The following UNC5D variants were observed in gnomAD, a reference collection of about 807,000 sequenced individuals.
The protein encoded by UNC5D is unc-5 netrin receptor D, also known as netrin receptor UNC5D.
UNC5D carries 39 observed loss-of-function variants against 105.4 expected under a neutral mutation model. The observed-to-expected ratio is 0.37, with a 90% CI of 0.29 to 0.48. The LOEUF (loss-of-function observed/expected upper bound fraction) is 0.48. Ranked by LOEUF, UNC5D falls within the 20% of genes least tolerant of loss-of-function variation. The probability of loss-of-function intolerance (pLI) is 0.98; values close to 1 mark genes in which losing one functional copy is unlikely to be tolerated. For synonymous variants in UNC5D, 452 were observed against 450.4 expected (o/e 1.00, Z -0.04); for missense variants, 991 against 1,202.4 (o/e 0.82, Z 2.60).
At chr8:35,650,235 G>T (rs1272751749) in intron 4 of UNC5D, among the ~76,000 whole-genome samples, 1 of 152,118 alleles carries the variant, frequency 6.6e-6, no homozygotes, top group Non-Finnish European at 1.5e-5. Flanking sequence ...GATGACCGAG[G>T]CTCTGGCCTG....
chr8:35,438,339 A>T (rs547643231), intron 1 of UNC5D, among the ~76,000 whole-genome samples: 72 of 152,174 alleles, frequency 4.7e-4, no homozygotes, highest in African/African-American at 1.7e-3. Context: ...TGAAAATTTT[A>T]AAAAAGATTA....
rs1343010665 is a variant in UNC5D, at chr8:35,700,358, A to G, written c.1085-5571A>G. Among the ~76,000 whole-genome samples the G allele has an allele frequency of 5.9e-5, 9 of 152,172 alleles. No homozygotes were observed. The East Asian group carries it at 1.5e-3, about 26-fold the overall frequency. ...ACTCTGTGGTCGCAGTGTCACACAA[A>G]TAAGCATTTAAATATGATTTACATG... On this transcript the variant is annotated intron_variant, in intron 7 of 16. Transcript: ENST00000404895.
chr8:35,434,071 T>C (rs1806836698), intron 1 of UNC5D, among the ~76,000 whole-genome samples: 3 of 152,030 alleles, frequency 2.0e-5, no homozygotes, highest in Admixed American at 6.6e-5. Flanking sequence ...TCAGAATATG[T>C]AACATAATGA....
chr8:35,308,719 A>C (rs751846110), intron 1 of UNC5D, among the ~76,000 whole-genome samples: 15 of 152,158 alleles, frequency 9.9e-5, no homozygotes, highest in Non-Finnish European at 1.8e-4. Flanking sequence ...ATGACTTGTG[A>C]ATCAATAATG....
At chr8:35,607,504 T>C (rs750676) in intron 4 of UNC5D, among the ~76,000 whole-genome samples, 72,460 of 151,994 alleles carry the variant, frequency 0.48, 20,977 homozygotes, top group African/African-American at 0.83. Context: ...TATACTGATA[T>C]GATTGTGCTT....
At chr8:35,323,267 A>G (rs1410387802) in intron 1 of UNC5D, among the ~76,000 whole-genome samples, 4 of 150,920 alleles carry the variant, frequency 2.7e-5, no homozygotes, top group Non-Finnish European at 5.9e-5. Context: ...GGGACCATAT[A>G]AAAGTAATCA....
At chr8:35,284,230 T>A (rs1040232429) in intron 1 of UNC5D, among the ~76,000 whole-genome samples, 26 of 152,348 alleles carry the variant, frequency 1.7e-4, no homozygotes, top group African/African-American at 6.3e-4. Context: ...ATAGGGGGCA[T>A]AAGCAACTTT....
At chr8:35,340,043 T>C (rs1329047602) in intron 1 of UNC5D, among the ~76,000 whole-genome samples, 1 of 152,184 alleles carries the variant, frequency 6.6e-6, no homozygotes, top group East Asian at 1.9e-4. Flanking sequence ...TTTTTGCATA[T>C]TATCTCACTG....
At chr8:35,694,471 GC>G (rs1397095859) in intron 7 of UNC5D, among the ~76,000 whole-genome samples, 1 of 152,148 alleles carries the variant, frequency 6.6e-6, no homozygotes, top group African/African-American at 2.4e-5. Context: ...AAGCCTCAGG[GC>G]TCTGCAGTGA....
At chr8:35,747,992 A>T (rs1256149593) in intron 11 of UNC5D, among the ~76,000 whole-genome samples, 8 of 152,254 alleles carry the variant, frequency 5.3e-5, no homozygotes, top group Non-Finnish European at 1.2e-4. Context: ...TTCATTGGCA[A>T]AAAATAAATG....
At chr8:35,278,098 A>G (rs1805894402) in intron 1 of UNC5D, among the ~76,000 whole-genome samples, 1 of 152,182 alleles carries the variant, frequency 6.6e-6, no homozygotes, top group Non-Finnish European at 1.5e-5. Context: ...ACAGCCAGCC[A>G]GGACTGGGCT....
At chr8:35,557,014 T>A (rs1407717082) in intron 2 of UNC5D, among the ~76,000 whole-genome samples, 1 of 152,194 alleles carries the variant, frequency 6.6e-6, no homozygotes, top group African/African-American at 2.4e-5. Flanking sequence ...TTTCAGTGAC[T>A]GCAGGAATGG....
In UNC5D at chr8:35,722,221, G is replaced by C; in HGVS notation, c.1129G>C (p.Ala377Pro). ...HEIKPQSIEN[A>P]SDIALYSGLG... The stretch of plus-strand genomic sequence containing the variant: ...CTTGTGTCTTTCAGGCATTGAGAAT[G>C]CCAGCGACATTGCTTTGTACTCGGG... The change falls in exon 9 of 17, where the codon GCC becomes CCC. Residue 377 changes from alanine (A) to proline (P), a missense_variant. Physicochemically the swap from Ala to Pro is conservative, Grantham distance 27. Transcript: ENST00000404895. 1 of 1,613,586 alleles carries C rather than the reference G, an allele frequency of 6.2e-7. No individual in the cohort carries two copies. The highest frequency in any genetic ancestry group is 8.5e-7 in the Non-Finnish European group (1 of 1,179,862).
At chr8:35,636,761 C>T (rs1181577179) in intron 4 of UNC5D, among the ~76,000 whole-genome samples, 1 of 152,170 alleles carries the variant, frequency 6.6e-6, no homozygotes. Flanking sequence ...GTTGTATATC[C>T]TGCCCATCCA....
chr8:35,292,716 C>CTTTTTTTTTTTTT (rs35935733), intron 1 of UNC5D, among the ~76,000 whole-genome samples: 1 of 123,640 alleles, frequency 8.1e-6, no homozygotes. Context: ...CTTTTTTTTC[C>CTTTTTTTTTTTTT]TTTTTTTTTT....
chr8:35,327,240 C>T (rs1810236356), intron 1 of UNC5D, among the ~76,000 whole-genome samples: 1 of 152,302 alleles, frequency 6.6e-6, no homozygotes, highest in East Asian at 1.9e-4. Flanking sequence ...GAGCATACAG[C>T]TCACTCGCTT....
chr8:35,610,451 G>A (rs1454663373), intron 4 of UNC5D, among the ~76,000 whole-genome samples: 1 of 152,106 alleles, frequency 6.6e-6, no homozygotes, highest in Non-Finnish European at 1.5e-5. Context: ...CTCTTTATTT[G>A]AAATATGTAA....
rs144432936 is a variant in UNC5D at position 35,605,392 on chromosome 8, C to T, written c.570+9735C>T. ...TGAACCGCAAATGCTGCTGCCTGAT[C>T]GTTCCTCTGGAAGTTTTGTCTCAGA... On this transcript the variant is annotated intron_variant, in intron 4 of 16. Transcript: ENST00000404895. Among the ~76,000 whole-genome samples, 941 of 152,326 alleles carry T rather than the reference C, an allele frequency of 6.2e-3. 4 individuals are homozygous for T. The highest frequency in any genetic ancestry group is 0.022 in the African/African-American group (908 of 41,562).
intron 1 of UNC5D, among the ~76,000 whole-genome samples, chr8:35,247,535 T>C (rs1369529742): frequency 1.6e-5 from 2 of 121,870 alleles, no homozygotes; most frequent in Non-Finnish European, 3.2e-5. Flanking sequence ...TATATATATA[T>C]GTATAAAATA....
Sources: gnomAD v4.1 joint callset for allele counts (sites outside exome capture counted in the v4.1 genomes callset) on GRCh38, gnomAD v4.1.1 for gene constraint, MANE v1.5 for transcripts, NCBI Gene and HGNC (gene_info 2026-07-23, HGNC 2026-07-21) for gene names.